Variants in IQCB1 observed in about 807,000 individuals in gnomAD.
The protein encoded by IQCB1 is IQ motif containing B1, also known as IQ calmodulin-binding motif-containing protein 1.
A neutral mutation model predicts 84.4 loss-of-function variants in IQCB1; 56 were observed. The observed-to-expected ratio is 0.66, with a 90% confidence interval of 0.54 to 0.83. The LOEUF (loss-of-function observed/expected upper bound fraction) is 0.83. Among genes scored for constraint, IQCB1 ranks in the 40% least tolerant of loss-of-function variants. The pLI, the probability that IQCB1 is intolerant of heterozygous loss-of-function variation, is 0.00. For synonymous variants in IQCB1, 210 were observed against 234.8 expected, an observed-to-expected ratio of 0.89 and a Z score of 0.96; for missense variants, 629 against 682.1, an observed-to-expected ratio of 0.92 and a Z score of 0.87.
chr3:121,792,425 C>A (rs893329886), intron 10 of IQCB1, among the ~76,000 whole-genome samples: 5 of 151,680 alleles, frequency 3.3e-5, no homozygotes, highest in African/African-American at 9.7e-5. Flanking sequence ...TTTGGGAGGC[C>A]GAGGCGGGTG....
chr3:121,831,646 C>T (rs999043178), intron 2 of IQCB1, among the ~76,000 whole-genome samples: 9 of 152,170 alleles, frequency 5.9e-5, no homozygotes, highest in African/African-American at 2.2e-4. Context: ...AGATGATACC[C>T]AGCTGGTGTC....
chr3:121,807,368 A>G lies in IQCB1; in HGVS notation c.563T>C (p.Leu188Pro), dbSNP rs368931880. ...VQIGSAVMMM[L>P]QNILQINSGD... ...CCTGTTGATCTGTAGTATATTCTGTAGCATCATCATGACTGCAGATCCTAT... is the reference window on the plus strand; with the variant it reads ...CCTGTTGATCTGTAGTATATTCTGTGGCATCATCATGACTGCAGATCCTAT... The change falls in exon 7 of 15, where the codon CTA becomes CCA. Residue 188 changes from leucine to proline, a missense_variant. Physicochemically the swap from Leu to Pro is moderately conservative, Grantham distance 98. Coordinates refer to ENST00000310864, the MANE Select transcript of IQCB1 (RefSeq NM_001023570.4). 6 of 1,561,298 alleles carry G rather than the reference A, an allele frequency of 3.8e-6. 1 individual carries two copies. Among genetic ancestry groups the G allele is most frequent in the South Asian group, 3.3e-5 (3 of 89,986 alleles).
At chr3:121,803,508 A>AACT (rs1553715525) in intron 7 of IQCB1, among the ~76,000 whole-genome samples, 1 of 151,798 alleles carries the variant, frequency 6.6e-6, no homozygotes, top group Non-Finnish European at 1.5e-5. Context: ...TATTGTTCAA[A>AACT]TCTGTGGTCA....
chr3:121,770,709 G>T (rs761963633), intron 14 of IQCB1, 135 bp from the exon 15 acceptor site: 28 of 765,666 alleles, frequency 3.7e-5, no homozygotes, highest in Middle Eastern at 2.3e-4. Flanking sequence ...TTGAGAAAGG[G>T]TCTTGCTCTA....
At chr3:121,803,638 C>G (rs913994395) in intron 7 of IQCB1, among the ~76,000 whole-genome samples, 1 of 152,126 alleles carries the variant, frequency 6.6e-6, no homozygotes, top group African/African-American at 2.4e-5. Context: ...TATTTTAAAA[C>G]TCTATTAGGT....
chr3:121,799,127 T>C (rs1949308972), intron 8 of IQCB1, 69 bp downstream of exon 8: 2 of 1,198,050 alleles, frequency 1.7e-6, no homozygotes, highest in Non-Finnish European at 1.2e-6. Context: ...AAGAATTTTG[T>C]TTTTCATAAA....
chr3:121,780,209 G>C (rs886662023), intron 13 of IQCB1, among the ~76,000 whole-genome samples: 2 of 152,152 alleles, frequency 1.3e-5, no homozygotes, highest in Admixed American at 1.3e-4. Context: ...GCCCTTCTCT[G>C]TTCTCTTCCT....
chr3:121,788,451 C>G lies in IQCB1; in HGVS notation c.1130-19G>C, dbSNP rs1380402902. On this transcript the variant is annotated intron_variant, in intron 11 of 14. Transcript: ENST00000310864. The stretch of plus-strand genomic sequence containing the variant: ...ACCTGACCTAAAAAGATGATAGACA[C>G]TATTACAACATACTCACTGCCATGC... The G allele has an allele frequency of 1.7e-5, 27 of 1,608,334 alleles. No individual in the cohort carries two copies. The highest frequency in any genetic ancestry group is 2.3e-5 in the Non-Finnish European group (27 of 1,175,308).
At chr3:121,792,611 G>A (rs890480448) in intron 10 of IQCB1, among the ~76,000 whole-genome samples, 1 of 134,916 alleles carries the variant, frequency 7.4e-6, no homozygotes, top group South Asian at 2.4e-4. Flanking sequence ...GCAGTGAGCC[G>A]AGATTGCGCC....
chr3:121,815,928 CAAAAA>C (rs36019026), intron 5 of IQCB1, among the ~76,000 whole-genome samples: 2 of 88,776 alleles, frequency 2.3e-5, no homozygotes, highest in African/African-American at 8.6e-5. Context: ...CATGTGGAAC[CAAAAA>C]AAAAAAAAAA....
At chr3:121,812,067 C>T (rs1320093841) in intron 5 of IQCB1, among the ~76,000 whole-genome samples, 1 of 152,306 alleles carries the variant, frequency 6.6e-6, no homozygotes, top group African/African-American at 2.4e-5. Context: ...GACGAAGCTT[C>T]CAGAGGAAGG....
Position 121,834,388 on chromosome 3 carries a change from T to C in IQCB1, c.-13+3A>G, listed in dbSNP as rs1708139741. 6.6e-6 allele frequency: 1 copy of C among 152,234 alleles called. No individual in the cohort carries two copies. The highest frequency in any genetic ancestry group is 2.4e-5 in the African/African-American group (1 of 41,450). 9.4% of individuals were successfully genotyped at this position (152,234 alleles called of 1,614,324 possible). A position where few individuals can be genotyped will look rare whatever the true frequency, so the allele number is the denominator to read the frequency against. ...AATTATTTATCTATTTTAAGGCTAC[T>C]ACCCTGTTGCCAGGCCACCGGGTCC... On this transcript the variant is annotated splice_donor_region_variant and intron_variant, in intron 2 of 14. Transcript: ENST00000310864.
chr3:121,805,304 A>G (rs1316741471), intron 7 of IQCB1, among the ~76,000 whole-genome samples: 1 of 152,152 alleles, frequency 6.6e-6, no homozygotes, highest in East Asian at 1.9e-4. Flanking sequence ...GCAGTACTGC[A>G]AGTAGTTATC....
At chr3:121,795,592 A>ATATC (rs1231912693) in intron 9 of IQCB1, 26 bp from the exon 10 acceptor site, 4 of 1,345,400 alleles carry the variant, frequency 3.0e-6, no homozygotes, top group Non-Finnish European at 4.2e-6. Flanking sequence ...TAATTTAGAG[A>ATATC]TATCTCTAGG....
At chr3:121,819,619 T>C (rs1243255210) in intron 5 of IQCB1, among the ~76,000 whole-genome samples, 1 of 152,178 alleles carries the variant, frequency 6.6e-6, no homozygotes, top group Admixed American at 6.5e-5. Context: ...TTATTAAACA[T>C]AGTAATTAAT....
At chr3:121,823,573 G>A (rs1017518329) in intron 5 of IQCB1, among the ~76,000 whole-genome samples, 2 of 151,954 alleles carry the variant, frequency 1.3e-5, no homozygotes, top group African/African-American at 4.8e-5. Flanking sequence ...TGCAAAAAGA[G>A]GAAAAAAAAT....
intron 7 of IQCB1, among the ~76,000 whole-genome samples, chr3:121,806,307 T>C (rs891865872): frequency 1.3e-5 from 2 of 152,070 alleles, no homozygotes; most frequent in African/African-American, 4.8e-5. Flanking sequence ...TACCTTCACA[T>C]AGTCACCAGA....
chr3:121,821,526 T>C (rs931597223), intron 5 of IQCB1, among the ~76,000 whole-genome samples: 8 of 152,212 alleles, frequency 5.3e-5, no homozygotes, highest in Admixed American at 1.3e-4. Context: ...TTCCTGTTAG[T>C]TGTGGGCCAG....
rs986010774 is a variant in IQCB1 at position 121,828,495 on chromosome 3, T to C, written c.238A>G (p.Ile80Val). 3 of 1,613,102 alleles carry C rather than the reference T, an allele frequency of 1.9e-6. No individual in the cohort carries two copies. Among genetic ancestry groups the C allele is most frequent in the African/African-American group, 1.3e-5 (1 of 74,880 alleles). Residue 80 changes from isoleucine to valine, a missense_variant, in exon 4 of 15, where the codon ATT becomes GTT. Coordinates refer to ENST00000310864, the MANE Select transcript of IQCB1 (RefSeq NM_001023570.4). Reference sequence around the variant, plus strand: ...CTTAATATCTGTGTAAGCTGGGAAATTGTAGTCCAACCACCCTGGATTCGA... The same window carrying C: ...CTTAATATCTGTGTAAGCTGGGAAACTGTAGTCCAACCACCCTGGATTCGA... ...YSRIQGGWTTISQLTQILSHC... is the reference protein window; with the variant it reads ...YSRIQGGWTTVSQLTQILSHC...
Sources: allele counts gnomAD v4.1 joint callset (sites outside exome capture counted in the v4.1 genomes callset), GRCh38; gene constraint gnomAD v4.1.1; transcripts MANE v1.5; gene names NCBI Gene and HGNC (gene_info 2026-07-23, HGNC 2026-07-21).